SLC41A2: variants seen among roughly 807,000 people sequenced by gnomAD.
SLC41A2 encodes the protein solute carrier family 41 member 2.
Under a neutral mutation model 58.3 loss-of-function variants are expected in SLC41A2, and 32 were observed. The observed-to-expected ratio is 0.55, with a 90% CI of 0.41 to 0.74. SLC41A2 has a LOEUF of 0.74. Among genes scored for constraint, SLC41A2 ranks in the 30% least tolerant of loss-of-function variants. SLC41A2 has a pLI of 0.00. For missense variants in SLC41A2, 514 were observed against 680.6 expected (o/e 0.76, Z 2.72); for synonymous variants, 190 against 235.0 (o/e 0.81, Z 1.75).
intron 3 of SLC41A2, among the ~76,000 whole-genome samples, chr12:104,895,609 A>G (rs904517345): frequency 1.3e-5 from 2 of 152,122 alleles, no homozygotes; most frequent in Non-Finnish European, 2.9e-5. Context: ...CCACTTACTC[A>G]CTGATGTTAT....
chr12:104,837,619 A>G (rs2042257064), intron 10 of SLC41A2, among the ~76,000 whole-genome samples: 1 of 152,158 alleles, frequency 6.6e-6, no homozygotes, highest in Admixed American at 6.5e-5. Context: ...GGCAGTCATC[A>G]GAGAATAAAT....
intron 3 of SLC41A2, among the ~76,000 whole-genome samples, chr12:104,896,614 A>G (rs985837935): frequency 2.6e-5 from 4 of 152,226 alleles, no homozygotes; most frequent in African/African-American, 4.8e-5. Context: ...AAATGATTCA[A>G]TGAAAAAGTA....
At chr12:104,879,120 G>A (rs1420382552) in intron 6 of SLC41A2, among the ~76,000 whole-genome samples, 1 of 152,216 alleles carries the variant, frequency 6.6e-6, no homozygotes, top group Non-Finnish European at 1.5e-5. Flanking sequence ...CTTTTGAAAA[G>A]TGTCTGTTCG....
chr12:104,819,692 CAG>C (rs1378154059), intron 10 of SLC41A2, among the ~76,000 whole-genome samples: 4 of 152,176 alleles, frequency 2.6e-5, no homozygotes, highest in African/African-American at 7.2e-5. Flanking sequence ...GTCTTTCTTA[CAG>C]AGAGAGAAAC....
chr12:104,866,369 GAC>G (rs2043445275), intron 7 of SLC41A2, 61 bp downstream of exon 7: 1 of 1,380,286 alleles, frequency 7.2e-7, no homozygotes, highest in African/African-American at 2.2e-5. Context: ...GACACACAAA[GAC>G]AGACAGACGT....
intron 6 of SLC41A2, 121 bp from the exon 7 acceptor site, chr12:104,866,700 A>G: frequency 1.3e-6 from 1 of 752,554 alleles, no homozygotes; most frequent in Non-Finnish European, 1.9e-6. Flanking sequence ...AACATGCTAT[A>G]CATTTTCTAT....
chr12:104,844,371 T>A, intron 10 of SLC41A2, 101 bp downstream of exon 10: 2 of 794,824 alleles, frequency 2.5e-6, no homozygotes, highest in South Asian at 8.6e-5. Flanking sequence ...TTCAGTTGAT[T>A]TTTGAAATGG....
At chr12:104,857,621 A>G (rs1407464266) in intron 8 of SLC41A2, among the ~76,000 whole-genome samples, 1 of 152,124 alleles carries the variant, frequency 6.6e-6, no homozygotes, top group Non-Finnish European at 1.5e-5. Flanking sequence ...TCCATCAATG[A>G]TAGACTGAAT....
chr12:104,809,373 T>TAACA (rs59286066), intron 10 of SLC41A2, among the ~76,000 whole-genome samples: 76,882 of 151,608 alleles, frequency 0.51, 20,008 homozygotes, highest in Non-Finnish European at 0.56. Flanking sequence ...ATTTTAGCTC[T>TAACA]AACACCTTTA....
chr12:104,940,968 G>C (rs1593181705), intron 1 of SLC41A2, among the ~76,000 whole-genome samples: 1 of 144,672 alleles, frequency 6.9e-6, no homozygotes, highest in Non-Finnish European at 1.5e-5. Flanking sequence ...TAGCTCCGAA[G>C]AAAAATCTTG....
At chr12:104,956,381 A>T (rs2048167847) in intron 1 of SLC41A2, among the ~76,000 whole-genome samples, 1 of 152,168 alleles carries the variant, frequency 6.6e-6, no homozygotes, top group Non-Finnish European at 1.5e-5. Flanking sequence ...AACTCAATAA[A>T]AAGCTAAGCA....
At chr12:104,843,500 A>G (rs1039740109) in intron 10 of SLC41A2, among the ~76,000 whole-genome samples, 18 of 152,172 alleles carry the variant, frequency 1.2e-4, no homozygotes, top group African/African-American at 4.1e-4. Context: ...TCTTAACCTT[A>G]TCTTGTCTGT....
intron 10 of SLC41A2, among the ~76,000 whole-genome samples, chr12:104,813,190 A>AAAAAT (rs990239836): frequency 6.6e-6 from 1 of 152,118 alleles, no homozygotes; most frequent in Non-Finnish European, 1.5e-5. Context: ...AAAAAGAAAA[A>AAAAAT]AAAATAAAAT....
chr12:104,813,348 C>G (rs1454798240), intron 10 of SLC41A2, among the ~76,000 whole-genome samples: 1 of 151,690 alleles, frequency 6.6e-6, no homozygotes, highest in Non-Finnish European at 1.5e-5. Context: ...AGTAATAAAA[C>G]AATTTATTAA....
intron 10 of SLC41A2, among the ~76,000 whole-genome samples, chr12:104,838,649 T>C (rs73399910): frequency 0.041 from 6,266 of 152,262 alleles, 432 homozygotes; most frequent in African/African-American, 0.14. Context: ...CTGATCTCCT[T>C]CCTCCAAAAA....
At chr12:104,883,134 A>C (rs1323092124) in intron 6 of SLC41A2, among the ~76,000 whole-genome samples, 1 of 152,150 alleles carries the variant, frequency 6.6e-6, no homozygotes, top group East Asian at 1.9e-4. Context: ...TTGTGCATGC[A>C]TCATGTAGTT....
chr12:104,894,857 CAAATT>C (rs1432284542), intron 4 of SLC41A2, among the ~76,000 whole-genome samples: 2 of 151,938 alleles, frequency 1.3e-5, no homozygotes, highest in Non-Finnish European at 2.9e-5. Context: ...TAGTAACTAA[CAAATT>C]AAGGAAAACA....
chr12:104,846,054 C>T (rs2042589039), intron 8 of SLC41A2, 80 bp from the exon 9 acceptor site: 62 of 1,427,468 alleles, frequency 4.3e-5, no homozygotes, highest in Non-Finnish European at 5.8e-5. Context: ...CAAGCCTCTT[C>T]GTGTAACATT....
At chr12:104,883,529 G>GA (rs1386079202) in intron 6 of SLC41A2, among the ~76,000 whole-genome samples, 1 of 152,202 alleles carries the variant, frequency 6.6e-6, no homozygotes, top group Non-Finnish European at 1.5e-5. Flanking sequence ...TGTTGCTGTT[G>GA]ATGCTATTCA....
Sources: gnomAD v4.1 joint callset for allele counts (sites outside exome capture counted in the v4.1 genomes callset) on GRCh38, gnomAD v4.1.1 for gene constraint, MANE v1.5 for transcripts, NCBI Gene and HGNC (gene_info 2026-07-23, HGNC 2026-07-21) for gene names.